Variants in LRP1 observed in about 807,000 individuals in gnomAD.
LRP1 encodes LDL receptor related protein 1, also known as prolow-density lipoprotein receptor-related protein 1.
LRP1 carries 51 observed loss-of-function variants against 541.5 expected under a neutral mutation model. The ratio of observed to expected loss-of-function variants is 0.09; its 90% CI spans 0.08 to 0.12. LRP1 has a LOEUF of 0.12. Ranked by LOEUF, LRP1 falls within the 10% of genes least tolerant of loss-of-function variation. The pLI, the probability that LRP1 is intolerant of heterozygous loss-of-function variation, is 1.00. For synonymous variants in LRP1, 2,219 were observed against 2,470.8 expected (o/e 0.90, Z 3.02); for missense variants, 3,878 against 6,376.2 (o/e 0.61, Z 13.34).
At chr12:57,175,863 A>G (rs1462686312) in intron 23 of LRP1, 46 bp from the exon 24 acceptor site, 1 of 1,601,712 alleles carries the variant, frequency 6.2e-7, no homozygotes. Context: ...GGTGGCACAC[A>G]GGCAGCTAGC....
chr12:57,200,922 C>G, intron 64 of LRP1, 107 bp downstream of exon 64: 1 of 1,581,062 alleles, frequency 6.3e-7, no homozygotes, highest in Non-Finnish European at 8.7e-7. Context: ...GCTTGCTCTC[C>G]AGGCTGGATT....
rs774677624 is a variant in LRP1, at chr12:57,199,297, T to C, written c.9762T>C (p.Ile3254=). Residue 3254 remains isoleucine, a synonymous_variant, in exon 61 of 89, where the codon ATT becomes ATC. Coordinates refer to ENST00000243077, the MANE Select transcript of LRP1 (RefSeq NM_002332.3). The part of the protein sequence containing the change: ...VYWTDWETKS[I]NRAHKTTGTN... ...GGACCGACTGGGAAACAAAGTCCAT[T>C]AACCGAGCCCACAAGACCACGGGCA... 1.2e-6 allele frequency: 2 copies of C among 1,613,850 alleles called. No individual in the cohort carries two copies. Among genetic ancestry groups the C allele is most frequent in the East Asian group, 2.2e-5 (1 of 44,872 alleles).
At position 57,145,396 on chromosome 12, in the gene LRP1, C is replaced by T; in HGVS notation, c.747C>T (p.Asp249=). 1 of 1,614,172 alleles carries T rather than the reference C, an allele frequency of 6.2e-7. No individual in the cohort carries two copies. Among genetic ancestry groups the T allele is most frequent in the Non-Finnish European group, 8.5e-7 (1 of 1,180,034 alleles). Residue 249 remains aspartate, a synonymous_variant, in exon 6 of 89, where the codon GAC becomes GAT. Coordinates refer to ENST00000243077, the MANE Select transcript of LRP1 (RefSeq NM_002332.3). ...CCGTATGCTGGGTGCATGTTGGGGA[C>T]AGTGCTGCTCAGACGCAGCTCAAGT... ...NETVCWVHVG[D]SAAQTQLKCA... is the part of the protein sequence containing the mutation.
intron 6 of LRP1, chr12:57,146,679 A>G (rs1360428564): frequency 2.0e-5 from 3 of 152,236 alleles, no homozygotes; most frequent in African/African-American, 4.8e-5. Context: ...GCTCCTCCAG[A>G]GCATCCCTGA....
At chr12:57,135,011 C>T (rs1382145593) in intron 1 of LRP1, among the ~76,000 whole-genome samples, 1 of 152,124 alleles carries the variant, frequency 6.6e-6, no homozygotes, top group Non-Finnish European at 1.5e-5. Flanking sequence ...GGCCTGGTTT[C>T]CTTTCTTAAC....
rs766021763 is a variant in LRP1, at chr12:57,211,479, T to TC, written c.13092-6dup. The TC allele has an allele frequency of 6.2e-7, 1 of 1,613,518 alleles. No homozygotes were observed. Among genetic ancestry groups the TC allele is most frequent in the East Asian group, 2.2e-5 (1 of 44,880 alleles). ...GCCCCAGCCCCAGCCTCTGATTCCTTCCTGCAGCTGCACGGATGGCCGGGT... is the reference window on the plus strand; with the variant it reads ...GCCCCAGCCCCAGCCTCTGATTCCTTCCCTGCAGCTGCACGGATGGCCGGGT... On this transcript the variant is annotated splice_polypyrimidine_tract_variant and splice_region_variant and intron_variant, in intron 84 of 88. Transcript: ENST00000243077. The surrounding 1 kb of genome is among the most constrained non-coding windows in gnomAD (Gnocchi z 4.3).
rs749665186 is a variant in LRP1 at position 57,205,543 on chromosome 12, C to T, written c.11471-15C>T. On this transcript the variant is annotated splice_polypyrimidine_tract_variant and intron_variant, in intron 74 of 88. Coordinates refer to ENST00000243077, the MANE Select transcript of LRP1 (RefSeq NM_002332.3). The surrounding 1 kb of genome is among the most constrained non-coding windows in gnomAD (Gnocchi z 4.6). ...CCCAACTGTGGACTCTCATGACCCT[C>T]CCTGTAACCCTTAGACATCAACGAG... 6.2e-7 allele frequency: 1 copy of T among 1,614,002 alleles called. No individual in the cohort carries two copies. Among genetic ancestry groups the T allele is most frequent in the Non-Finnish European group, 8.5e-7 (1 of 1,180,004 alleles).
Position 57,205,525 on chromosome 12 carries a change from G to A in LRP1, c.11471-33G>A. 1.2e-6 allele frequency: 2 copies of A among 1,613,548 alleles called. No individual in the cohort carries two copies. Among genetic ancestry groups the A allele is most frequent in the Non-Finnish European group, 1.7e-6 (2 of 1,179,696 alleles). ...CAGAGCAGGGGTGGACACCCCAACT[G>A]TGGACTCTCATGACCCTCCCTGTAA... is the stretch of plus-strand genomic sequence containing the variant. On this transcript the variant is annotated intron_variant, in intron 74 of 88. Transcript: ENST00000243077. The surrounding 1 kb of genome is among the most constrained non-coding windows in gnomAD (Gnocchi z 4.6).
chr12:57,184,519 T>A lies in LRP1; in HGVS notation c.6186+67T>A. The A allele has an allele frequency of 3.8e-6, 6 of 1,599,524 alleles. No homozygotes were observed. The highest frequency in any genetic ancestry group is 5.1e-6 in the Non-Finnish European group (6 of 1,172,836). ...TGACCCAGGCTCCTGTTCCCTGTGA[T>A]GAGCCCATTCTGGGAGGACTTGGAG... is the stretch of plus-strand genomic sequence containing the variant. On this transcript the variant is annotated intron_variant, in intron 38 of 88. Transcript: ENST00000243077. This position sits in a 1 kb window ranked among gnomAD's most constrained non-coding sequence, Gnocchi z 7.8.
At chr12:57,208,273 AGG>A in intron 77 of LRP1, 57 bp downstream of exon 77, 4 of 1,555,682 alleles carry the variant, frequency 2.6e-6, no homozygotes, top group Non-Finnish European at 3.5e-6. Context: ...CCCCCGGGAC[AGG>A]GTTGGGGGCT....
Position 57,211,396 on chromosome 12 carries a change from C to T in LRP1, c.13091+46C>T. 6.2e-7 allele frequency: 1 copy of T among 1,609,938 alleles called. No homozygotes were observed. On this transcript the variant is annotated intron_variant, in intron 84 of 88. Coordinates refer to ENST00000243077, the MANE Select transcript of LRP1 (RefSeq NM_002332.3). This position sits in a 1 kb window ranked among gnomAD's most constrained non-coding sequence, Gnocchi z 4.3. ...CAGTTCCACCCAGCTGGGCCCCTGC[C>T]CTGTCCTAGCCCTGCCCTGCCCCTC...
At position 57,128,928 on chromosome 12, in the gene LRP1, A is replaced by T. The variant is rs2034975026; in HGVS notation, c.-37A>T. On this transcript the variant is annotated 5_prime_UTR_variant, in exon 1 of 89. Coordinates refer to ENST00000243077, the MANE Select transcript of LRP1 (RefSeq NM_002332.3). Reference sequence around the variant, plus strand: ...GGTGAAGGAGAGAAGTAGCAGGACCAGAGGGGAAGGGGCTGCTGCTTGCAT... The same window carrying T: ...GGTGAAGGAGAGAAGTAGCAGGACCTGAGGGGAAGGGGCTGCTGCTTGCAT... 1.3e-6 allele frequency: 2 copies of T among 1,526,212 alleles called. No individual in the cohort carries two copies. The highest frequency in any genetic ancestry group is 2.5e-5 in the East Asian group (1 of 40,308). The allele number at this position is 1,526,212 out of a possible 1,614,324, so 94.5% of individuals were successfully genotyped here.
chr12:57,195,061 C>G lies in LRP1; in HGVS notation c.8268C>G (p.Ser2756Arg). ...CISKQWLCDG[S>R]DDCGDGSDEA... Reference sequence around the variant, plus strand: ...CCAAGCAGTGGCTGTGTGACGGCAGCGATGACTGTGGGGATGGCTCAGACG... The same window carrying G: ...CCAAGCAGTGGCTGTGTGACGGCAGGGATGACTGTGGGGATGGCTCAGACG... The change falls in exon 51 of 89, where the codon AGC becomes AGG. Residue 2756 changes from serine (S) to arginine (R), a missense_variant. Ser to Arg is a moderately radical substitution (Grantham distance 110). This residue lies in a region of LRP1 where 1,100 missense variants were observed against 1,827.4 expected (regional missense o/e 0.60). Coordinates refer to ENST00000243077, the MANE Select transcript of LRP1 (RefSeq NM_002332.3). The G allele has an allele frequency of 6.2e-7, 1 of 1,613,980 alleles. No homozygotes were observed. The highest frequency in any genetic ancestry group is 8.5e-7 in the Non-Finnish European group (1 of 1,179,932).
chr12:57,200,825 T>TGGGGGGC lies in LRP1; in HGVS notation c.10225+11_10225+12insGGGGGCG. 4 of 1,595,858 alleles carry TGGGGGGC rather than the reference T, an allele frequency of 2.5e-6. No homozygotes were observed. The highest frequency in any genetic ancestry group is 3.4e-6 in the Non-Finnish European group (4 of 1,166,766). On this transcript the variant is annotated intron_variant, in intron 64 of 88. Transcript: ENST00000243077. ...GACGAGGCCAACTGTGGTAAGGCGC[T>TGGGGGGC]GCCCGCCCACCCTCCCTCCTTCCCC... is the stretch of plus-strand genomic sequence containing the variant.
At chr12:57,181,111 AG>A in intron 33 of LRP1, 45 bp from the exon 34 acceptor site, 2 of 1,595,052 alleles carry the variant, frequency 1.3e-6, no homozygotes, top group South Asian at 1.1e-5. Flanking sequence ...TGAGGTCCCA[AG>A]GAGGGCCACC....
intron 44 of LRP1, among the ~76,000 whole-genome samples, chr12:57,192,570 AGACTC>A (rs2036436259): frequency 6.6e-6 from 1 of 152,124 alleles, no homozygotes; most frequent in Non-Finnish European, 1.5e-5. Flanking sequence ...CAGGGCCCTC[AGACTC>A]GAATCTCTCA....
At chr12:57,136,969 C>T (rs1024615843) in intron 1 of LRP1, among the ~76,000 whole-genome samples, 1 of 152,122 alleles carries the variant, frequency 6.6e-6, no homozygotes, top group Non-Finnish European at 1.5e-5. Flanking sequence ...CAGCCGGGTG[C>T]GGTGGCTCAC....
chr12:57,203,261 C>T lies in LRP1; in HGVS notation c.10792C>T (p.His3598Tyr). 6.2e-7 allele frequency: 1 copy of T among 1,610,304 alleles called. No homozygotes were observed. The highest frequency in any genetic ancestry group is 8.5e-7 in the Non-Finnish European group (1 of 1,177,796). ...IAGRWKCDGD[H>Y]DCADGSDEKD... ...GGGGCGCTGGAAATGCGATGGAGAC[C>T]ACGACTGCGCGGACGGCTCGGACGA... Residue 3598 changes from histidine (H) to tyrosine (Y), a missense_variant, in exon 69 of 89, where the codon CAC becomes TAC. By Grantham distance (83) the His-to-Tyr change is moderately conservative. Around this residue, in one of 13 missense-constraint regions of LRP1, gnomAD observed 278 missense variants for 536.3 expected, o/e 0.52. Transcript: ENST00000243077.
rs1231321537 is a variant in LRP1 at position 57,162,858 on chromosome 12, T to C, written c.2405T>C (p.Val802Ala). ...IRMYDAQQQQ[V>A]GTNKCRVNNG... The stretch of plus-strand genomic sequence containing the variant: ...CTTTCCCCATGGCCCTTCCCCACAG[T>C]TGGCACCAACAAATGCCGGGTGAAC... Residue 802 changes from valine (V) to alanine (A), a missense_variant and splice_region_variant, in exon 15 of 89, where the codon GTT becomes GCT. By Grantham distance (64) the Val-to-Ala change is moderately conservative (BLOSUM62 0). Around this residue, in one of 13 missense-constraint regions of LRP1, gnomAD observed 496 missense variants for 861.0 expected, o/e 0.58. Coordinates refer to ENST00000243077, the MANE Select transcript of LRP1 (RefSeq NM_002332.3). This position sits in a 1 kb window ranked among gnomAD's most constrained non-coding sequence, Gnocchi z 5.2. 2.5e-6 allele frequency: 4 copies of C among 1,608,392 alleles called. No individual in the cohort carries two copies. Among genetic ancestry groups the C allele is most frequent in the Admixed American group, 1.7e-5 (1 of 59,332 alleles).
Sources: gnomAD v4.1 joint callset for allele counts (sites outside exome capture counted in the v4.1 genomes callset) on GRCh38, gnomAD v4.1.1 for gene constraint, gnomAD v4.1.1 regional missense constraint, Gnocchi (gnomAD v3.1) non-coding constraint, MANE v1.5 for transcripts, NCBI Gene and HGNC (gene_info 2026-07-23, HGNC 2026-07-21) for gene names.